DPYSL2: variants seen among roughly 807,000 people sequenced by gnomAD.
DPYSL2 encodes the protein dihydropyrimidinase-related protein 2.
DPYSL2 carries 13 observed loss-of-function variants against 69.9 expected under a neutral mutation model. That is an observed-to-expected ratio of 0.19 (90% confidence interval 0.12 to 0.30). DPYSL2 has a LOEUF of 0.30. Among genes scored for constraint, DPYSL2 ranks in the 10% least tolerant of loss-of-function variants. DPYSL2 has a pLI of 1.00. For synonymous variants in DPYSL2, 326 were observed against 359.1 expected (o/e 0.91, Z 1.04); for missense variants, 587 against 918.9 (o/e 0.64, Z 4.67).
chr8:26,600,024 T>C (rs1048350882), intron 3 of DPYSL2, among the ~76,000 whole-genome samples: 1 of 152,246 alleles, frequency 6.6e-6, no homozygotes, highest in Admixed American at 6.5e-5. Context: ...ATGTGGCCTT[T>C]TATAGCTGGC....
intron 3 of DPYSL2, among the ~76,000 whole-genome samples, chr8:26,592,615 A>G (rs1267916848): frequency 6.6e-6 from 1 of 151,852 alleles, no homozygotes; most frequent in Admixed American, 6.6e-5. Context: ...AGCTTGGATT[A>G]CAGGCATGCA....
chr8:26,627,836 T>C lies in DPYSL2; in HGVS notation c.937-36T>C. On this transcript the variant is annotated intron_variant, in intron 6 of 13. Coordinates refer to ENST00000521913, the MANE Select transcript of DPYSL2 (RefSeq NM_001197293.3). This position sits in a 1 kb window ranked among gnomAD's most constrained non-coding sequence, Gnocchi z 6.9. ...GCCATCAGAGCTGTGCAAAATCCAC[T>C]CTCCCTCACAGCCTGACTTTCTCTA... The C allele has an allele frequency of 1.2e-6, 2 of 1,608,464 alleles. No individual in the cohort carries two copies. Among genetic ancestry groups the C allele is most frequent in the Non-Finnish European group, 1.7e-6 (2 of 1,177,504 alleles).
intron 1 of DPYSL2, among the ~76,000 whole-genome samples, chr8:26,557,533 C>T (rs573005063): frequency 3.4e-5 from 5 of 146,924 alleles, no homozygotes; most frequent in Non-Finnish European, 7.4e-5. Context: ...AATCCCAGAA[C>T]TTTGGGAGCC....
At chr8:26,532,089 G>A (rs770539149) in intron 1 of DPYSL2, among the ~76,000 whole-genome samples, 7 of 151,682 alleles carry the variant, frequency 4.6e-5, no homozygotes, top group Non-Finnish European at 8.8e-5. Context: ...AGAAGGGAGA[G>A]CAGGACTGAT....
chr8:26,600,918 G>A (rs1473551165), intron 3 of DPYSL2, among the ~76,000 whole-genome samples: 1 of 152,212 alleles, frequency 6.6e-6, no homozygotes, highest in Non-Finnish European at 1.5e-5. Flanking sequence ...GATGGGGTGG[G>A]CAGATAGGTG....
chr8:26,534,327 C>T (rs1375807941), intron 1 of DPYSL2, among the ~76,000 whole-genome samples: 3 of 152,134 alleles, frequency 2.0e-5, no homozygotes, highest in African/African-American at 7.2e-5. Context: ...ACTACAGGGG[C>T]ATACCACCAC....
rs1223582318 is a variant in DPYSL2, at chr8:26,621,912, T to C, written c.629-2231T>C. Among the ~76,000 whole-genome samples, 1 of 152,026 alleles carries C rather than the reference T, an allele frequency of 6.6e-6. No individual in the cohort carries two copies. The highest frequency in any genetic ancestry group is 2.4e-5 in the African/African-American group (1 of 41,376). On this transcript the variant is annotated intron_variant, in intron 3 of 13. Transcript: ENST00000521913. This position sits in a 1 kb window ranked among gnomAD's most constrained non-coding sequence, Gnocchi z 4.9. ...AGGATGGTAGACAGCTACTAAAGGA[T>C]TTAATAAGGGGAATGGCAGTGTTTG... is the stretch of plus-strand genomic sequence containing the variant.
At chr8:26,561,338 A>G (rs1164135008) in intron 1 of DPYSL2, among the ~76,000 whole-genome samples, 2 of 152,030 alleles carry the variant, frequency 1.3e-5, no homozygotes, top group East Asian at 1.9e-4. Flanking sequence ...TCTCCTCTCC[A>G]TCTTTACCTC....
chr8:26,537,634 A>AC (rs1554533026), intron 1 of DPYSL2, among the ~76,000 whole-genome samples: 10 of 150,582 alleles, frequency 6.6e-5, no homozygotes, highest in South Asian at 2.1e-4. Context: ...ACACACACAC[A>AC]ACTGTATATT....
At position 26,522,679 on chromosome 8, in the gene DPYSL2, A is replaced by AT. The variant is rs921212340; in HGVS notation, c.354+8008dup. Among the ~76,000 whole-genome samples the AT allele has an allele frequency of 1.1e-3, 169 of 151,888 alleles. 1 individual carries two copies. Among genetic ancestry groups the AT allele is most frequent in the African/African-American group, 3.8e-3 (157 of 41,394 alleles). ...GAAATGTCTGTTCAAAACTTTGTAC[A>AT]TTTTTTTTAGCTGGGTTATTTATCA... On this transcript the variant is annotated intron_variant, in intron 1 of 13. Transcript: ENST00000521913.
rs1801241745 is a variant in DPYSL2, at chr8:26,571,866, A to G, written c.355-10103A>G. ...GTTCCGATCCAATCTGCAGTCTCTG[A>G]CCCTTCAGAGCTACACACACAAAGA... On this transcript the variant is annotated intron_variant, in intron 1 of 13. Coordinates refer to ENST00000521913, the MANE Select transcript of DPYSL2 (RefSeq NM_001197293.3). The surrounding 1 kb of genome is among the most constrained non-coding windows in gnomAD (Gnocchi z 6.1). Among the ~76,000 whole-genome samples, 1 of 152,098 alleles carries G rather than the reference A, an allele frequency of 6.6e-6. No individual in the cohort carries two copies. Among genetic ancestry groups the G allele is most frequent in the African/African-American group, 2.4e-5 (1 of 41,404 alleles).
In DPYSL2 at chr8:26,577,682, C is replaced by T. The variant is rs143742655; in HGVS notation, c.355-4287C>T. On this transcript the variant is annotated intron_variant, in intron 1 of 13. Coordinates refer to ENST00000521913, the MANE Select transcript of DPYSL2 (RefSeq NM_001197293.3). ...CCGCGCCTGGGGCCGCCGCCAAACC[C>T]GGTCCCCACCGCCCCGGCCCGAAGA... The T allele has an allele frequency of 6.4e-3, 3,225 of 500,598 alleles. 98 individuals carry two copies. The highest frequency in any genetic ancestry group is 0.064 in the African/African-American group (3,052 of 47,624). 31.0% of individuals were successfully genotyped at this position (500,598 alleles called of 1,614,324 possible).
intron 7 of DPYSL2, among the ~76,000 whole-genome samples, chr8:26,634,260 G>A (rs1312921685): frequency 2.0e-5 from 3 of 151,958 alleles, no homozygotes; most frequent in Non-Finnish European, 4.4e-5. Flanking sequence ...GGTCAGAAGG[G>A]AGTTTTCTTT....
intron 1 of DPYSL2, among the ~76,000 whole-genome samples, chr8:26,530,784 C>T (rs10109417): frequency 0.13 from 20,353 of 152,148 alleles, 1,457 homozygotes; most frequent in East Asian, 0.22. Flanking sequence ...TTATGGTATA[C>T]CAGATGGTGG....
chr8:26,570,694 A>T (rs1243779645), intron 1 of DPYSL2, among the ~76,000 whole-genome samples: 1 of 146,680 alleles, frequency 6.8e-6, no homozygotes. Context: ...AGATCACGCC[A>T]CTGCACTCCA....
rs1227088407 is a variant in DPYSL2, at chr8:26,514,316, C to T, written c.-10C>T. 24 of 1,441,752 alleles carry T rather than the reference C, an allele frequency of 1.7e-5. No homozygotes were observed. The highest frequency in any genetic ancestry group is 2.1e-5 in the Non-Finnish European group (23 of 1,099,220). The allele number at this position is 1,441,752 out of a possible 1,614,324, so 89.3% of individuals were successfully genotyped here. On this transcript the variant is annotated 5_prime_UTR_variant, in exon 1 of 14. Transcript: ENST00000521913. The surrounding 1 kb of genome is among the most constrained non-coding windows in gnomAD (Gnocchi z 8.4). ...ACGGACGGCGAGGACCCTACCCGAG[C>T]CCCCGAGCCATGGCCGAGAGAAAGC... is the stretch of plus-strand genomic sequence containing the variant.
At chr8:26,546,411 A>G (rs1213741081) in intron 1 of DPYSL2, among the ~76,000 whole-genome samples, 2 of 152,228 alleles carry the variant, frequency 1.3e-5, no homozygotes, top group Non-Finnish European at 2.9e-5. Context: ...CCTTCTACAT[A>G]GATGATTACA....
At chr8:26,625,403 G>A (rs982952669) in intron 4 of DPYSL2, among the ~76,000 whole-genome samples, 1 of 152,186 alleles carries the variant, frequency 6.6e-6, no homozygotes, top group African/African-American at 2.4e-5. Flanking sequence ...CCAGGCAGGA[G>A]GGTTACCATG....
intron 3 of DPYSL2, among the ~76,000 whole-genome samples, chr8:26,607,024 C>T (rs1177083991): frequency 6.6e-6 from 1 of 152,134 alleles, no homozygotes. Flanking sequence ...CAAAAAAATT[C>T]ATACGCCTTG....
Sources: allele counts gnomAD v4.1 joint callset (sites outside exome capture counted in the v4.1 genomes callset), GRCh38; gene constraint gnomAD v4.1.1; non-coding constraint Gnocchi (gnomAD v3.1); transcripts MANE v1.5; gene names NCBI Gene and HGNC (gene_info 2026-07-23, HGNC 2026-07-21).